Variants in KIAA1958 observed in about 807,000 individuals in gnomAD.
KIAA1958 encodes the protein uncharacterized protein KIAA1958.
KIAA1958 carries 14 observed loss-of-function variants against 47.2 expected under a neutral mutation model. That is an observed-to-expected ratio of 0.30 (90% CI 0.20 to 0.46). KIAA1958 has a LOEUF of 0.46. KIAA1958 is among the 20% of genes least tolerant of loss of function. The probability of loss-of-function intolerance (pLI) is 1.00; values close to 1 mark genes in which losing one functional copy is unlikely to be tolerated. For synonymous variants in KIAA1958, 354 were observed against 353.3 expected (o/e 1.00, Z -0.02); for missense variants, 803 against 909.2 (o/e 0.88, Z 1.50).
chr9:112,602,284 A>G (rs1457426798), intron 2 of KIAA1958, among the ~76,000 whole-genome samples: 1 of 152,226 alleles, frequency 6.6e-6, no homozygotes, highest in African/African-American at 2.4e-5. Context: ...TCAAAAATGA[A>G]ACACGAATGT....
chr9:112,583,829 G>A (rs544547267), intron 2 of KIAA1958, among the ~76,000 whole-genome samples: 9 of 152,136 alleles, frequency 5.9e-5, no homozygotes, highest in Non-Finnish European at 1.2e-4. Context: ...GGTTTTCTTC[G>A]AGGAGGGGGT....
At chr9:112,659,144 G>A (rs4979142) in intron 3 of KIAA1958, 119 bp from the exon 4 acceptor site, 43,751 of 769,288 alleles carry the variant, frequency 0.057, 2,518 homozygotes, top group African/African-American at 0.2. Flanking sequence ...TCTTTCCATT[G>A]TGTCCTGCTA....
chr9:112,524,055 C>T (rs958542929), intron 1 of KIAA1958, among the ~76,000 whole-genome samples: 2 of 152,134 alleles, frequency 1.3e-5, no homozygotes, highest in Non-Finnish European at 2.9e-5. Context: ...TTTTTTTAAA[C>T]GTTAACCATT....
chr9:112,508,293 C>A (rs1386846310), intron 1 of KIAA1958, among the ~76,000 whole-genome samples: 1 of 152,076 alleles, frequency 6.6e-6, no homozygotes, highest in African/African-American at 2.4e-5. Context: ...TACTAGTATG[C>A]ATCTAGTTAA....
intron 1 of KIAA1958, among the ~76,000 whole-genome samples, chr9:112,504,797 T>G (rs1332689080): frequency 6.6e-6 from 1 of 152,238 alleles, no homozygotes; most frequent in East Asian, 1.9e-4. Context: ...TGTGTCTATA[T>G]GTATATATGT....
At chr9:112,540,382 A>T (rs145234058) in intron 1 of KIAA1958, among the ~76,000 whole-genome samples, 3 of 152,368 alleles carry the variant, frequency 2.0e-5, no homozygotes, top group African/African-American at 4.8e-5. Context: ...ACACATATGT[A>T]TGCACACATA....
At chr9:112,601,617 C>G (rs890194256) in intron 2 of KIAA1958, among the ~76,000 whole-genome samples, 2 of 152,120 alleles carry the variant, frequency 1.3e-5, no homozygotes, top group Admixed American at 1.3e-4. Context: ...CCCCACCTTG[C>G]AGCACGCACA....
intron 1 of KIAA1958, among the ~76,000 whole-genome samples, chr9:112,529,941 T>C (rs1240659774): frequency 6.6e-6 from 1 of 152,106 alleles, no homozygotes; most frequent in Non-Finnish European, 1.5e-5. Flanking sequence ...CCTCCTGGGT[T>C]CACACCATTC....
intron 1 of KIAA1958, among the ~76,000 whole-genome samples, chr9:112,504,478 C>A (rs1233037383): frequency 6.6e-6 from 1 of 152,188 alleles, no homozygotes; most frequent in Non-Finnish European, 1.5e-5. Flanking sequence ...CGTGAGCCAC[C>A]ATGCCCTGCC....
chr9:112,500,010 A>G (rs1458346571), intron 1 of KIAA1958, among the ~76,000 whole-genome samples: 1 of 152,048 alleles, frequency 6.6e-6, no homozygotes, highest in African/African-American at 2.4e-5. Context: ...TTTTCTAATG[A>G]TATGTTTATA....
chr9:112,667,917 A>G lies in KIAA1958; in HGVS notation c.*7848A>G, dbSNP rs1837372047. The G allele has an allele frequency of 6.6e-6, 1 of 152,210 alleles. No homozygotes were observed. The highest frequency in any genetic ancestry group is 2.1e-4 in the South Asian group (1 of 4,830). The allele number at this position is 152,210 out of a possible 1,614,324, so 9.4% of individuals were successfully genotyped here. ...TACCAGGACATTATCCACTAGAGGAAGGGTATGTATGCTTTTAAATAGATA... is the reference window on the plus strand; with the variant it reads ...TACCAGGACATTATCCACTAGAGGAGGGGTATGTATGCTTTTAAATAGATA... On this transcript the variant is annotated 3_prime_UTR_variant, in exon 4 of 4. Coordinates refer to ENST00000337530, the MANE Select transcript of KIAA1958 (RefSeq NM_133465.4).
intron 2 of KIAA1958, among the ~76,000 whole-genome samples, chr9:112,609,353 T>C (rs1467933857): frequency 6.6e-6 from 1 of 152,152 alleles, no homozygotes; most frequent in East Asian, 1.9e-4. Context: ...CTAACAAAGC[T>C]AATTCTAATA....
rs1836845537 is a variant in KIAA1958, at chr9:112,638,575, A to G, written c.1172-7075A>G. ...GTCAGCATTGTTATTCTACGTGCCTACATTTAGTTTTCCTTGTATTTATTT... is the reference window on the plus strand; with the variant it reads ...GTCAGCATTGTTATTCTACGTGCCTGCATTTAGTTTTCCTTGTATTTATTT... On this transcript the variant is annotated intron_variant, in intron 2 of 3. Transcript: ENST00000337530. 3.3e-5 allele frequency among the ~76,000 whole-genome samples: 5 copies of G among 152,250 alleles called. No individual in the cohort carries two copies. The South Asian group carries it at 1.0e-3, about 32-fold the overall frequency.
intron 2 of KIAA1958, among the ~76,000 whole-genome samples, chr9:112,608,876 G>GA (rs1193466622): frequency 1.3e-5 from 2 of 151,812 alleles, no homozygotes; most frequent in Admixed American, 1.3e-4. Context: ...CCCTTCCTCA[G>GA]AAAAAAAGAG....
In KIAA1958 at chr9:112,618,928, G is replaced by T; in HGVS notation, c.1172-26722G>T. The T allele has an allele frequency of 6.6e-7, 1 of 1,509,288 alleles. No individual in the cohort carries two copies. The highest frequency in any genetic ancestry group is 1.3e-5 in the South Asian group (1 of 78,632). 93.5% of individuals were successfully genotyped at this position (1,509,288 alleles called of 1,614,324 possible). ...CAGACACCGCTTGACCAGGTGGCTT[G>T]AGCAAGACTCCAGTTTGGTTACTGT... is the stretch of plus-strand genomic sequence containing the variant. On this transcript the variant is annotated intron_variant, in intron 2 of 3. Transcript: ENST00000337530. The surrounding 1 kb of genome is among the most constrained non-coding windows in gnomAD (Gnocchi z 7.1).
At chr9:112,635,214 TTGTGTG>T (rs71999105) in intron 2 of KIAA1958, among the ~76,000 whole-genome samples, 27,808 of 130,146 alleles carry the variant, frequency 0.21, 3,110 homozygotes, top group Admixed American at 0.31. Flanking sequence ...ATTCTTTATT[TTGTGTG>T]TGTGTGTGTG....
chr9:112,649,528 T>C (rs74489487), intron 3 of KIAA1958, among the ~76,000 whole-genome samples: 275 of 152,178 alleles, frequency 1.8e-3, no homozygotes, highest in African/African-American at 6.0e-3. Context: ...AATGTACATG[T>C]AATTGGAATC....
At chr9:112,572,637 A>G (rs563799907) in intron 1 of KIAA1958, among the ~76,000 whole-genome samples, 2 of 152,294 alleles carry the variant, frequency 1.3e-5, no homozygotes, top group South Asian at 2.1e-4. Context: ...CCGCAGGTTC[A>G]GTTTTGAAGA....
chr9:112,530,010 A>T (rs1252912731), intron 1 of KIAA1958, among the ~76,000 whole-genome samples: 2 of 151,838 alleles, frequency 1.3e-5, no homozygotes, highest in African/African-American at 4.8e-5. Flanking sequence ...CGCCCAGCTA[A>T]TTTTTTGTTT....
Sources: allele counts gnomAD v4.1 joint callset (sites outside exome capture counted in the v4.1 genomes callset), GRCh38; gene constraint gnomAD v4.1.1; non-coding constraint Gnocchi (gnomAD v3.1); transcripts MANE v1.5; gene names NCBI Gene and HGNC (gene_info 2026-07-23, HGNC 2026-07-21).